FAF1: variants seen among roughly 807,000 people sequenced by gnomAD.
FAF1 encodes the protein Fas associated factor 1.
Under a neutral mutation model 92.5 loss-of-function variants are expected in FAF1, and 25 were observed. The observed-to-expected ratio is 0.27, with a 90% CI of 0.20 to 0.38. The LOEUF (loss-of-function observed/expected upper bound fraction) is 0.38. Among genes scored for constraint, FAF1 ranks in the 10% least tolerant of loss-of-function variants. The pLI, the probability that FAF1 is intolerant of heterozygous loss-of-function variation, is 1.00. For synonymous variants in FAF1, 234 were observed against 273.2 expected (o/e 0.86, Z 1.42); for missense variants, 636 against 793.3 (o/e 0.80, Z 2.38).
chr1:50,823,637 T>A (rs901170941), intron 2 of FAF1, among the ~76,000 whole-genome samples: 1 of 152,106 alleles, frequency 6.6e-6, no homozygotes, highest in Non-Finnish European at 1.5e-5. Flanking sequence ...ACCAATGAGT[T>A]GTTCTACTTA....
intron 15 of FAF1, among the ~76,000 whole-genome samples, chr1:50,532,737 G>T (rs1648245931): frequency 6.6e-6 from 1 of 152,074 alleles, no homozygotes; most frequent in Admixed American, 6.5e-5. Context: ...TAATTACAGT[G>T]CTCCAAATTT....
chr1:50,868,318 A>C (rs967578819), intron 1 of FAF1, among the ~76,000 whole-genome samples: 1 of 152,154 alleles, frequency 6.6e-6, no homozygotes, highest in African/African-American at 2.4e-5. Flanking sequence ...TTCCCCAAAA[A>C]CTATTGAAAT....
intron 2 of FAF1, among the ~76,000 whole-genome samples, chr1:50,814,877 A>G (rs1028995517): frequency 6.6e-6 from 1 of 152,112 alleles, no homozygotes; most frequent in Non-Finnish European, 1.5e-5. Context: ...AAACCAGAAG[A>G]TAAGTGTTGG....
chr1:50,577,570 T>C (rs978481584), intron 12 of FAF1, among the ~76,000 whole-genome samples: 8 of 152,186 alleles, frequency 5.3e-5, no homozygotes, highest in African/African-American at 1.9e-4. Context: ...ATCTTTCCCC[T>C]GAACTTCTAA....
At chr1:50,892,664 A>G (rs1287123398) in intron 1 of FAF1, among the ~76,000 whole-genome samples, 3 of 152,162 alleles carry the variant, frequency 2.0e-5, no homozygotes, top group African/African-American at 7.2e-5. Context: ...GTCTTGAGGT[A>G]GTCTTTCAGT....
intron 13 of FAF1, among the ~76,000 whole-genome samples, chr1:50,555,897 G>A (rs1025434824): frequency 6.6e-6 from 1 of 151,492 alleles, no homozygotes; most frequent in African/African-American, 2.4e-5. Flanking sequence ...AAGAAAATGT[G>A]GTACGTATAC....
chr1:50,694,055 C>CAT lies in FAF1; in HGVS notation c.657+11729_657+11730dup, dbSNP rs567033226. Among the ~76,000 whole-genome samples, 107 of 151,370 alleles carry CAT rather than the reference C, an allele frequency of 7.1e-4. 1 individual carries two copies. In the South Asian group the frequency reaches 0.021, roughly 29 times the overall value. On this transcript the variant is annotated intron_variant, in intron 7 of 18. Coordinates refer to ENST00000396153, the MANE Select transcript of FAF1 (RefSeq NM_007051.3). ...TATGACATATACATGACATGTATGA[C>CAT]ATATATATGACATATACATGACATA... is the stretch of plus-strand genomic sequence containing the variant.
At chr1:50,489,253 C>T (rs1024835552) in intron 17 of FAF1, among the ~76,000 whole-genome samples, 8 of 152,218 alleles carry the variant, frequency 5.3e-5, no homozygotes, top group African/African-American at 1.9e-4. Flanking sequence ...CAGTGCTCAG[C>T]ACAGGTCTTC....
intron 8 of FAF1, among the ~76,000 whole-genome samples, chr1:50,627,024 C>G (rs980703974): frequency 6.6e-6 from 1 of 152,074 alleles, no homozygotes; most frequent in Non-Finnish European, 1.5e-5. Context: ...AGAAGAAGAT[C>G]AGGCATGCGC....
intron 15 of FAF1, among the ~76,000 whole-genome samples, chr1:50,515,624 C>T (rs544755021): frequency 6.6e-6 from 1 of 152,210 alleles, no homozygotes; most frequent in East Asian, 1.9e-4. Flanking sequence ...AATGTCATAC[C>T]TATCAAATTA....
At chr1:50,888,670 T>C (rs1314078516) in intron 1 of FAF1, among the ~76,000 whole-genome samples, 1 of 152,216 alleles carries the variant, frequency 6.6e-6, no homozygotes, top group Non-Finnish European at 1.5e-5. Context: ...TTACGTTTAC[T>C]GATTTGCGTA....
intron 15 of FAF1, among the ~76,000 whole-genome samples, chr1:50,516,006 G>A (rs1386398101): frequency 6.6e-6 from 1 of 152,038 alleles, no homozygotes; most frequent in Non-Finnish European, 1.5e-5. Context: ...TAGATGTCAG[G>A]CACCAGTCTA....
At chr1:50,624,002 G>A (rs1653344264) in intron 8 of FAF1, among the ~76,000 whole-genome samples, 1 of 151,374 alleles carries the variant, frequency 6.6e-6, no homozygotes, top group Non-Finnish European at 1.5e-5. Context: ...GAAGAAGGAA[G>A]AAGAAGAAAG....
chr1:50,888,835 T>G (rs941459957), intron 1 of FAF1, among the ~76,000 whole-genome samples: 51 of 152,276 alleles, frequency 3.3e-4, no homozygotes, highest in African/African-American at 1.1e-3. Context: ...CTTTTTTTGT[T>G]GTGTCTCTGC....
chr1:50,547,151 C>A (rs1205773490), intron 13 of FAF1, among the ~76,000 whole-genome samples: 1 of 152,078 alleles, frequency 6.6e-6, no homozygotes, highest in Non-Finnish European at 1.5e-5. Flanking sequence ...CCTCACCCTC[C>A]CAAACTGCTG....
At chr1:50,800,108 T>G (rs576992668) in intron 3 of FAF1, among the ~76,000 whole-genome samples, 2 of 152,288 alleles carry the variant, frequency 1.3e-5, no homozygotes, top group East Asian at 3.9e-4. Context: ...CCAAATATTA[T>G]AGTAACTTTA....
At position 50,584,951 on chromosome 1, in the gene FAF1, A is replaced by AT. The variant is rs1403455728; in HGVS notation, c.841-141dup. On this transcript the variant is annotated intron_variant, in intron 9 of 18. Transcript: ENST00000396153. ...CTCATTTGCTAGAGTAAAGCTTACT[A>AT]TTTTTTCCTTTTAAGGCTTACATAC... The AT allele has an allele frequency of 1.5e-5, 12 of 798,474 alleles. No homozygotes were observed. In the African/African-American group the frequency reaches 2.0e-4, roughly 13 times the overall value. The allele number at this position is 798,474 out of a possible 1,614,324, so 49.5% of individuals were successfully genotyped here.
intron 8 of FAF1, among the ~76,000 whole-genome samples, chr1:50,651,760 T>C (rs1384468304): frequency 1.3e-5 from 2 of 152,232 alleles, no homozygotes; most frequent in African/African-American, 4.8e-5. Context: ...CTGTGAGGAC[T>C]ATTTTGTTTT....
intron 13 of FAF1, among the ~76,000 whole-genome samples, chr1:50,543,748 CTG>C (rs1648868011): frequency 6.6e-6 from 1 of 151,608 alleles, no homozygotes; most frequent in South Asian, 2.1e-4. Flanking sequence ...TAAACCAACA[CTG>C]TCACTGTTTT....
Sources: gnomAD v4.1 joint callset for allele counts (sites outside exome capture counted in the v4.1 genomes callset) on GRCh38, gnomAD v4.1.1 for gene constraint, MANE v1.5 for transcripts, NCBI Gene and HGNC (gene_info 2026-07-23, HGNC 2026-07-21) for gene names.